Variants in EFCAB8 observed in about 807,000 individuals in gnomAD.
The protein encoded by EFCAB8 is EF-hand calcium-binding domain-containing protein 8.
In EFCAB8, 100 loss-of-function variants were observed where a neutral mutation model predicts 116.3. The ratio of observed to expected loss-of-function variants is 0.86; its 90% confidence interval spans 0.73 to 1.02. The LOEUF is 1.02. Among genes scored for constraint, EFCAB8 ranks in the 50% least tolerant of loss-of-function variants. The pLI is 0.00. For synonymous variants in EFCAB8, 558 were observed against 567.9 expected, an observed-to-expected ratio of 0.98 and a Z score of 0.25; for missense variants, 1,320 against 1,416.9, an observed-to-expected ratio of 0.93 and a Z score of 1.10.
chr20:32,932,924 T>A (rs2146277378), intron 22 of EFCAB8, among the ~76,000 whole-genome samples: 2 of 152,332 alleles, frequency 1.3e-5, no homozygotes, highest in Middle Eastern at 6.8e-3. Flanking sequence ...ATGAAGAGAA[T>A]GTCATTATAT....
At chr20:32,939,115 CTCTTTCTTTCTCTTTCTTTCTTTCTT>C (rs1323826779) in intron 22 of EFCAB8, among the ~76,000 whole-genome samples, 14 of 122,514 alleles carry the variant, frequency 1.1e-4, no homozygotes, top group Admixed American at 5.0e-4. Context: ...CTTTCTTTCT[CTCTTTCTTTCTCTTTCTTTCTTTCTT>C]TCTTTCTTTC....
intron 1 of EFCAB8, among the ~76,000 whole-genome samples, chr20:32,862,220 TC>T (rs1047093856): frequency 6.6e-5 from 10 of 151,544 alleles, no homozygotes; most frequent in African/African-American, 1.9e-4. Flanking sequence ...AGCCTCAACC[TC>T]CTGGGCTCAA....
chr20:32,945,117 T>C (rs978686055), intron 23 of EFCAB8, among the ~76,000 whole-genome samples: 1 of 152,034 alleles, frequency 6.6e-6, no homozygotes, highest in African/African-American at 2.4e-5. Context: ...TCAATTATTT[T>C]ACTCTTCATC....
intron 19 of EFCAB8, 91 bp downstream of exon 19, chr20:32,918,665 G>A: frequency 7.5e-7 from 1 of 1,334,740 alleles, no homozygotes; most frequent in African/African-American, 1.5e-5. Flanking sequence ...TTATTGGGAT[G>A]TACTTTTTCC....
chr20:32,920,266 C>G, intron 20 of EFCAB8, 51 bp downstream of exon 20: 2 of 1,544,074 alleles, frequency 1.3e-6, no homozygotes, highest in South Asian at 2.4e-5. Flanking sequence ...AGTGGGCGGT[C>G]AGGATTGGGT....
intron 3 of EFCAB8, among the ~76,000 whole-genome samples, chr20:32,875,088 C>A (rs2146184678): frequency 6.6e-6 from 1 of 152,304 alleles, no homozygotes; most frequent in South Asian, 2.1e-4. Flanking sequence ...TTGTCTCAAT[C>A]CTTCCTCTTT....
At chr20:32,882,371 T>A (rs868803575) in intron 5 of EFCAB8, among the ~76,000 whole-genome samples, 2 of 152,328 alleles carry the variant, frequency 1.3e-5, no homozygotes, top group Middle Eastern at 3.4e-3. Flanking sequence ...CACGGCACAC[T>A]GTCCAAGTGT....
intron 9 of EFCAB8, among the ~76,000 whole-genome samples, chr20:32,893,878 C>G (rs573282209): frequency 1.3e-5 from 2 of 152,284 alleles, no homozygotes; most frequent in African/African-American, 2.4e-5. Flanking sequence ...GCCGCTGCTG[C>G]AGCCCATAAT....
chr20:32,863,750 T>C (rs1568894483), intron 1 of EFCAB8, 33 bp from the exon 2 acceptor site: 1 of 1,546,094 alleles, frequency 6.5e-7, no homozygotes, highest in East Asian at 2.5e-5. Flanking sequence ...TTACAACGAC[T>C]GGAGTTAAGT....
chr20:32,928,905 T>A (rs965358442), intron 20 of EFCAB8, among the ~76,000 whole-genome samples: 1 of 151,406 alleles, frequency 6.6e-6, no homozygotes, highest in African/African-American at 2.4e-5. Flanking sequence ...TTTTTTTTTT[T>A]AATTTTGTCA....
In EFCAB8 at chr20:32,893,168, C is replaced by G; in HGVS notation, c.759-6C>G. ...CACAACCTCTTCCGTCTCCATCTTT[C>G]TGCAGGTCTGACTATCACAGAGGTG... On this transcript the variant is annotated splice_region_variant and splice_polypyrimidine_tract_variant and intron_variant, in intron 8 of 26. Transcript: ENST00000400522. 6.4e-7 allele frequency: 1 copy of G among 1,551,844 alleles called. No homozygotes were observed. The highest frequency in any genetic ancestry group is 8.7e-7 in the Non-Finnish European group (1 of 1,146,986).
At chr20:32,914,120 T>A (rs545087600) in intron 17 of EFCAB8, among the ~76,000 whole-genome samples, 1 of 152,216 alleles carries the variant, frequency 6.6e-6, no homozygotes, top group Admixed American at 6.5e-5. Context: ...ATCTAGGTGG[T>A]GGAGGCAGCC....
chr20:32,958,212 G>A (rs1380165327), intron 23 of EFCAB8, among the ~76,000 whole-genome samples: 1 of 152,166 alleles, frequency 6.6e-6, no homozygotes, highest in Non-Finnish European at 1.5e-5. Flanking sequence ...AGCTCCGAGT[G>A]TGTCCTAGGG....
chr20:32,866,902 C>CTT (rs1244235605), intron 2 of EFCAB8, among the ~76,000 whole-genome samples: 3 of 144,874 alleles, frequency 2.1e-5, no homozygotes, highest in Non-Finnish European at 3.0e-5. Flanking sequence ...TTCTCTCTCT[C>CTT]TCTTTCTTTC....
chr20:32,960,035 C>G (rs1989093188), intron 25 of EFCAB8, 28 bp from the exon 26 acceptor site: 3 of 1,551,510 alleles, frequency 1.9e-6, no homozygotes, highest in South Asian at 1.2e-5. Context: ...CAACTCGCAG[C>G]CTTCATTCTT....
rs757425551 is a variant in EFCAB8, at chr20:32,875,918, C to T, written c.209-8C>T. The T allele has an allele frequency of 6.4e-7, 1 of 1,551,246 alleles. No individual in the cohort carries two copies. Among genetic ancestry groups the T allele is most frequent in the South Asian group, 1.2e-5 (1 of 84,038 alleles). ...AAGGGGATGATGCTCTCTGTTCTCTCTTTGAAGCCCTGGGCATGGACGCCT... is the reference window on the plus strand; with the variant it reads ...AAGGGGATGATGCTCTCTGTTCTCTTTTTGAAGCCCTGGGCATGGACGCCT... On this transcript the variant is annotated splice_region_variant and splice_polypyrimidine_tract_variant and intron_variant, in intron 3 of 26. Coordinates refer to ENST00000400522, the MANE Select transcript of EFCAB8 (RefSeq NM_001143967.2).
At chr20:32,879,863 A>G (rs577617964) in intron 5 of EFCAB8, among the ~76,000 whole-genome samples, 1 of 152,014 alleles carries the variant, frequency 6.6e-6, no homozygotes, top group Non-Finnish European at 1.5e-5. Context: ...GCGGTGCCCT[A>G]TTTGGGGGTA....
chr20:32,892,658 G>GA (rs1186904985), intron 8 of EFCAB8, among the ~76,000 whole-genome samples: 12 of 152,022 alleles, frequency 7.9e-5, no homozygotes, highest in Non-Finnish European at 1.5e-4. Flanking sequence ...TTTTGATTGA[G>GA]AAAAAAGTTG....
intron 23 of EFCAB8, among the ~76,000 whole-genome samples, chr20:32,948,576 GAAAGAAAA>G (rs1472555552): frequency 1.3e-4 from 18 of 138,476 alleles, no homozygotes; most frequent in Non-Finnish European, 2.2e-4. Context: ...AAGAAAGAAA[GAAAGAAAA>G]GAAAGGAAAA....
Sources: gnomAD v4.1 joint callset for allele counts (sites outside exome capture counted in the v4.1 genomes callset) on GRCh38, gnomAD v4.1.1 for gene constraint, MANE v1.5 for transcripts, NCBI Gene and HGNC (gene_info 2026-07-23, HGNC 2026-07-21) for gene names.